The following TOX2 variants were observed in gnomAD, a reference collection of about 807,000 sequenced individuals.
TOX2 encodes the protein TOX high mobility group box family member 2.
In TOX2, 15 loss-of-function variants were observed where a neutral mutation model predicts 47.4. That is an observed-to-expected ratio of 0.32 (90% CI 0.21 to 0.49). TOX2 has a LOEUF of 0.49. Among genes scored for constraint, TOX2 ranks in the 20% least tolerant of loss-of-function variants. TOX2 has a pLI of 0.99. For synonymous variants in TOX2, 290 were observed against 296.6 expected (o/e 0.98, Z 0.23); for missense variants, 622 against 673.1 (o/e 0.92, Z 0.84).
chr20:43,922,084 T>C (rs1400323159), intron 1 of TOX2, among the ~76,000 whole-genome samples: 1 of 152,178 alleles, frequency 6.6e-6, no homozygotes, highest in East Asian at 1.9e-4. Flanking sequence ...GCACATCACT[T>C]AGATGTTCAG....
At chr20:44,001,823 G>A (rs2070588904) in intron 2 of TOX2, among the ~76,000 whole-genome samples, 1 of 152,162 alleles carries the variant, frequency 6.6e-6, no homozygotes, top group Non-Finnish European at 1.5e-5. Flanking sequence ...TGAAACTAGA[G>A]CCTGGGACAT....
At chr20:44,040,377 A>G (rs2071312170) in intron 3 of TOX2, among the ~76,000 whole-genome samples, 2 of 152,114 alleles carry the variant, frequency 1.3e-5, no homozygotes, top group South Asian at 4.2e-4. Context: ...AGGTGGTTGG[A>G]CAGTCAAGCA....
chr20:43,977,113 A>G (rs553533110), intron 2 of TOX2, among the ~76,000 whole-genome samples: 17 of 152,242 alleles, frequency 1.1e-4, no homozygotes, highest in African/African-American at 4.1e-4. Flanking sequence ...CAATATATGT[A>G]TATATTTTTG....
intron 1 of TOX2, among the ~76,000 whole-genome samples, chr20:43,918,369 T>A (rs2069080123): frequency 6.6e-6 from 1 of 152,210 alleles, no homozygotes; most frequent in African/African-American, 2.4e-5. Context: ...TACAGTTCCA[T>A]GAGTTTTGAT....
intron 4 of TOX2, among the ~76,000 whole-genome samples, chr20:44,053,395 G>A (rs1195091085): frequency 6.6e-6 from 1 of 151,002 alleles, no homozygotes; most frequent in Non-Finnish European, 1.5e-5. Context: ...TGTAATGCAG[G>A]ATCCTTTTTG....
chr20:44,026,235 A>ATG (rs1295318335), intron 3 of TOX2, among the ~76,000 whole-genome samples: 1 of 100,676 alleles, frequency 9.9e-6, no homozygotes, highest in Non-Finnish European at 2.0e-5. Context: ...TGTGATATAT[A>ATG]TATATATATA....
intron 1 of TOX2, among the ~76,000 whole-genome samples, chr20:43,925,162 A>G (rs4812765): frequency 0.21 from 31,293 of 151,016 alleles, 4,536 homozygotes; most frequent in African/African-American, 0.4. Flanking sequence ...TTTATTGGTG[A>G]TTCTTCTGTT....
chr20:43,955,405 C>T (rs1569031559), intron 1 of TOX2: 11 of 663,548 alleles, frequency 1.7e-5, no homozygotes, highest in South Asian at 6.7e-5. Context: ...GTCTTCTTAG[C>T]CACCTGGGGT....
In TOX2 at chr20:44,068,857, C is replaced by T. The variant is rs1336673856; in HGVS notation, c.*171C>T. 1.1e-6 allele frequency: 1 copy of T among 903,508 alleles called. No individual in the cohort carries two copies. Among genetic ancestry groups the T allele is most frequent in the South Asian group, 1.4e-5 (1 of 70,662 alleles). 56.0% of individuals were successfully genotyped at this position (903,508 alleles called of 1,614,324 possible). On this transcript the variant is annotated 3_prime_UTR_variant, in exon 9 of 9. Coordinates refer to ENST00000341197, the MANE Select transcript of TOX2 (RefSeq NM_001098797.2). ...TTCCTCAACCTCCCACCAGACTCTG[C>T]AGAGGCAGCCCACTGCCCACCACCA...
chr20:43,940,899 G>A (rs1177074349), intron 1 of TOX2, among the ~76,000 whole-genome samples: 3 of 152,200 alleles, frequency 2.0e-5, no homozygotes, highest in Non-Finnish European at 4.4e-5. Context: ...AGGTGCTGAC[G>A]GGGGCATCAC....
chr20:44,062,408 G>GAATA (rs964797155), intron 5 of TOX2, among the ~76,000 whole-genome samples: 87 of 84,760 alleles, frequency 1.0e-3, no homozygotes, highest in Non-Finnish European at 1.9e-3. Context: ...ATAAATAAAT[G>GAATA]AATAAATAAA....
At chr20:43,945,811 G>A in intron 1 of TOX2, 1 of 1,505,530 alleles carries the variant, frequency 6.6e-7, no homozygotes, top group Non-Finnish European at 9.1e-7. Context: ...ATGGGATGGG[G>A]GGTGGGGGTG....
intron 3 of TOX2, among the ~76,000 whole-genome samples, chr20:44,041,630 C>T (rs1347134855): frequency 1.3e-5 from 2 of 152,114 alleles, no homozygotes; most frequent in African/African-American, 4.8e-5. Flanking sequence ...GCCATTGTGT[C>T]CATCACAAAG....
chr20:44,004,342 G>T (rs6031288), intron 2 of TOX2, among the ~76,000 whole-genome samples: 109,545 of 151,986 alleles, frequency 0.72, 40,236 homozygotes, highest in African/African-American at 0.86. Context: ...GGTCCACCTG[G>T]GGAGGCAATG....
intron 1 of TOX2, among the ~76,000 whole-genome samples, chr20:43,923,003 G>A (rs1402169477): frequency 8.0e-6 from 1 of 125,350 alleles, no homozygotes; most frequent in African/African-American, 2.6e-5. Context: ...CCAATGCCGG[G>A]AGTGTGGGAA....
chr20:44,023,046 C>T (rs2071000150), intron 3 of TOX2, among the ~76,000 whole-genome samples: 1 of 150,766 alleles, frequency 6.6e-6, no homozygotes, highest in African/African-American at 2.4e-5. Flanking sequence ...AGCTTCAGAC[C>T]ATGATATAGG....
chr20:44,023,431 G>GGGAAA (rs1555841868), intron 3 of TOX2, among the ~76,000 whole-genome samples: 6 of 119,148 alleles, frequency 5.0e-5, no homozygotes, highest in Admixed American at 8.7e-5. Flanking sequence ...CTTTATCTCA[G>GGGAAA]AAAAAAAAAA....
intron 3 of TOX2, among the ~76,000 whole-genome samples, chr20:44,011,015 C>T (rs1209844175): frequency 1.3e-5 from 2 of 152,134 alleles, no homozygotes; most frequent in East Asian, 1.9e-4. Context: ...TTCCCTGGCT[C>T]GTGGCTGCAT....
At chr20:44,050,150 T>C (rs1329075362) in intron 3 of TOX2, among the ~76,000 whole-genome samples, 1 of 152,228 alleles carries the variant, frequency 6.6e-6, no homozygotes, top group African/African-American at 2.4e-5. Context: ...AGTGTATACA[T>C]GCATCAAAAC....
Sources: allele counts gnomAD v4.1 joint callset (sites outside exome capture counted in the v4.1 genomes callset), GRCh38; gene constraint gnomAD v4.1.1; transcripts MANE v1.5; gene names NCBI Gene and HGNC (gene_info 2026-07-23, HGNC 2026-07-21).